The following RASAL2 variants were observed in gnomAD, a reference collection of about 807,000 sequenced individuals.
The protein encoded by RASAL2 is ras GTPase-activating protein nGAP.
Under a neutral mutation model 128.9 loss-of-function variants are expected in RASAL2, and 58 were observed. That is an observed-to-expected ratio of 0.45 (90% CI 0.36 to 0.56). RASAL2 has a LOEUF of 0.56. Among genes scored for constraint, RASAL2 ranks in the 20% least tolerant of loss-of-function variants. The pLI, the probability that RASAL2 is intolerant of heterozygous loss-of-function variation, is 0.00. For synonymous variants in RASAL2, 561 were observed against 580.8 expected (o/e 0.97, Z 0.49); for missense variants, 1,360 against 1,601.6 (o/e 0.85, Z 2.57).
rs1470711291 is a variant in RASAL2 at position 178,473,106 on chromosome 1, A to G, written c.3710A>G (p.Asn1237Ser). 2 of 1,614,100 alleles carry G rather than the reference A, an allele frequency of 1.2e-6. No individual in the cohort carries two copies. The highest frequency in any genetic ancestry group is 1.7e-6 in the Non-Finnish European group (2 of 1,180,050). The stretch of plus-strand genomic sequence containing the variant: ...CGGATCGTGTCCCTGGATTCAGCCA[A>G]CACCAGACTGATGAGCGCGCTGACC... ...EKRIVSLDSA[N>S]TRLMSALTQV... The change falls in exon 18 of 18, where the codon AAC becomes AGC. Residue 1237 changes from asparagine (N) to serine (S), a missense_variant. Physicochemically the swap from Asn to Ser is conservative, Grantham distance 46. Coordinates refer to ENST00000367649, the MANE Select transcript of RASAL2 (RefSeq NM_170692.4).
At chr1:178,410,761 T>C (rs1674312541) in intron 4 of RASAL2, among the ~76,000 whole-genome samples, 1 of 150,710 alleles carries the variant, frequency 6.6e-6, no homozygotes, top group Admixed American at 6.6e-5. Flanking sequence ...CCAAGAAACG[T>C]CAAAAAAATG....
At chr1:178,124,874 A>T (rs1420434854) in intron 1 of RASAL2, among the ~76,000 whole-genome samples, 1 of 152,186 alleles carries the variant, frequency 6.6e-6, no homozygotes, top group Admixed American at 6.5e-5. Context: ...AAAATGGGTT[A>T]ACTTTTAAAA....
chr1:178,203,010 A>G (rs2101970125), intron 1 of RASAL2, among the ~76,000 whole-genome samples: 1 of 152,294 alleles, frequency 6.6e-6, no homozygotes. Context: ...TCAAAATGGC[A>G]CCATTCCTCT....
chr1:178,428,987 C>G (rs1258873297), intron 5 of RASAL2, among the ~76,000 whole-genome samples: 2 of 152,130 alleles, frequency 1.3e-5, no homozygotes, highest in Non-Finnish European at 2.9e-5. Flanking sequence ...TCTTAGCCTT[C>G]CATAATGCTC....
intron 9 of RASAL2, among the ~76,000 whole-genome samples, chr1:178,447,494 T>G (rs938199004): frequency 1.3e-5 from 2 of 150,752 alleles, no homozygotes; most frequent in African/African-American, 2.4e-5. Flanking sequence ...GCCAACATGC[T>G]GAAACCCCAT....
intron 1 of RASAL2, among the ~76,000 whole-genome samples, chr1:178,239,429 T>C (rs1228007850): frequency 1.3e-5 from 2 of 152,072 alleles, no homozygotes; most frequent in Non-Finnish European, 2.9e-5. Context: ...ACTGTAGATA[T>C]ATTGTAAATA....
chr1:178,414,135 G>A lies in RASAL2; in HGVS notation c.565-6376G>A, dbSNP rs77781359. Among the ~76,000 whole-genome samples the A allele has an allele frequency of 6.2e-3, 944 of 152,218 alleles. 7 individuals carry two copies. The highest frequency in any genetic ancestry group is 0.021 in the African/African-American group (885 of 41,530). On this transcript the variant is annotated intron_variant, in intron 4 of 17. Coordinates refer to ENST00000367649, the MANE Select transcript of RASAL2 (RefSeq NM_170692.4). ...TTATGTCCAAATAAACCCATCATAA[G>A]TCAAAAATATCCTAAATTGAAAAGT...
chr1:178,405,109 G>A (rs1673916870), intron 4 of RASAL2, among the ~76,000 whole-genome samples: 1 of 152,112 alleles, frequency 6.6e-6, no homozygotes, highest in African/African-American at 2.4e-5. Flanking sequence ...ATTGTTGAAG[G>A]GAAGGCAAAC....
intron 1 of RASAL2, among the ~76,000 whole-genome samples, chr1:178,097,252 A>G (rs1232330268): frequency 6.6e-6 from 1 of 152,202 alleles, no homozygotes; most frequent in Non-Finnish European, 1.5e-5. Flanking sequence ...CATGGCCTCT[A>G]GGTTTCAGCA....
chr1:178,297,192 G>C (rs367752535), intron 2 of RASAL2, among the ~76,000 whole-genome samples: 6 of 152,074 alleles, frequency 3.9e-5, no homozygotes, highest in Non-Finnish European at 5.9e-5. Flanking sequence ...ATGTATAGCT[G>C]ATTCTCTTAG....
intron 1 of RASAL2, among the ~76,000 whole-genome samples, chr1:178,145,778 C>T (rs769854218): frequency 1.3e-5 from 2 of 152,162 alleles, no homozygotes; most frequent in Non-Finnish European, 2.9e-5. Context: ...TCTGCCATTG[C>T]ATCAGTATCC....
chr1:178,228,920 A>G (rs913172303), intron 1 of RASAL2, among the ~76,000 whole-genome samples: 10 of 152,164 alleles, frequency 6.6e-5, no homozygotes, highest in Admixed American at 3.9e-4. Context: ...ATAAAAATCT[A>G]TATTATAGAC....
At chr1:178,149,636 GAAGA>G (rs1405971067) in intron 1 of RASAL2, among the ~76,000 whole-genome samples, 1 of 151,740 alleles carries the variant, frequency 6.6e-6, no homozygotes. Flanking sequence ...AGCCAAATTG[GAAGA>G]AAGAATATTC....
chr1:178,337,022 A>C lies in RASAL2; in HGVS notation c.457+36904A>C, dbSNP rs371444782. Among the ~76,000 whole-genome samples the C allele has an allele frequency of 7.2e-5, 11 of 151,940 alleles. No individual in the cohort carries two copies. The East Asian group carries it at 2.1e-3, about 29-fold the overall frequency. On this transcript the variant is annotated intron_variant, in intron 3 of 17. Coordinates refer to ENST00000367649, the MANE Select transcript of RASAL2 (RefSeq NM_170692.4). ...TAGTTTCTCAACTCAATATCAGGGGACTGATATTTGATTTTGCCTACTCCC... is the reference window on the plus strand; with the variant it reads ...TAGTTTCTCAACTCAATATCAGGGGCCTGATATTTGATTTTGCCTACTCCC...
intron 1 of RASAL2, among the ~76,000 whole-genome samples, chr1:178,204,262 T>G (rs1662965398): frequency 6.6e-6 from 1 of 152,234 alleles, no homozygotes; most frequent in Admixed American, 6.5e-5. Flanking sequence ...ATGTTAGGCA[T>G]AATTATGACC....
chr1:178,177,287 A>G (rs188957668), intron 1 of RASAL2, among the ~76,000 whole-genome samples: 42 of 152,276 alleles, frequency 2.8e-4, no homozygotes, highest in Admixed American at 5.2e-4. Flanking sequence ...TTATGCTGTG[A>G]TCTTGAATTG....
chr1:178,121,989 A>G (rs1459023337), intron 1 of RASAL2, among the ~76,000 whole-genome samples: 3 of 151,228 alleles, frequency 2.0e-5, no homozygotes, highest in Non-Finnish European at 4.4e-5. Context: ...TTTTTTCTGG[A>G]GGCTTTTGGA....
intron 5 of RASAL2, among the ~76,000 whole-genome samples, chr1:178,425,384 C>G (rs2102769617): frequency 6.6e-6 from 1 of 151,944 alleles, no homozygotes; most frequent in South Asian, 2.1e-4. Context: ...ATATGAGAAA[C>G]AAATATGAAC....
intron 3 of RASAL2, among the ~76,000 whole-genome samples, chr1:178,385,379 G>A (rs1672504323): frequency 1.3e-5 from 2 of 152,028 alleles, no homozygotes; most frequent in South Asian, 2.1e-4. Flanking sequence ...GGAGTTTGTA[G>A]TGAGCCCAGA....
Sources: gnomAD v4.1 joint callset for allele counts (sites outside exome capture counted in the v4.1 genomes callset) on GRCh38, gnomAD v4.1.1 for gene constraint, MANE v1.5 for transcripts, NCBI Gene and HGNC (gene_info 2026-07-23, HGNC 2026-07-21) for gene names.